The following ITPR2 variants were observed in gnomAD, a reference collection of about 807,000 sequenced individuals.
ITPR2 encodes the protein inositol 1,4,5-trisphosphate receptor type 2.
A neutral mutation model predicts 317.1 loss-of-function variants in ITPR2; 207 were observed. That is an observed-to-expected ratio of 0.65 (90% CI 0.58 to 0.73). The LOEUF (loss-of-function observed/expected upper bound fraction) is 0.73, where lower values mean the gene tolerates loss of function less well. ITPR2 is among the 30% of genes least tolerant of loss of function. The pLI, the probability that ITPR2 is intolerant of heterozygous loss-of-function variation, is 0.00. For synonymous variants in ITPR2, 1,156 were observed against 1,149.1 expected, an observed-to-expected ratio of 1.01 and a Z score of -0.12; for missense variants, 2,613 against 3,284.0, an observed-to-expected ratio of 0.80 and a Z score of 4.99.
chr12:26,380,188 A>G (rs1417420781), intron 55 of ITPR2, among the ~76,000 whole-genome samples: 1 of 152,210 alleles, frequency 6.6e-6, no homozygotes, highest in East Asian at 1.9e-4. Flanking sequence ...CTTCTTCTTC[A>G]TCTTCATCTT....
intron 21 of ITPR2, among the ~76,000 whole-genome samples, chr12:26,647,977 T>C (rs920797322): frequency 8.6e-5 from 13 of 151,980 alleles, no homozygotes; most frequent in African/African-American, 3.1e-4. Context: ...TATAAGCCAT[T>C]GTGACAGGGA....
At chr12:26,387,917 A>T (rs1249802854) in intron 54 of ITPR2, among the ~76,000 whole-genome samples, 1 of 152,220 alleles carries the variant, frequency 6.6e-6, no homozygotes, top group African/African-American at 2.4e-5. Context: ...CACAAGTCTG[A>T]GAAAAAGAGG....
intron 2 of ITPR2, among the ~76,000 whole-genome samples, chr12:26,759,331 C>G (rs746115909): frequency 3.7e-4 from 56 of 151,934 alleles, no homozygotes; most frequent in Non-Finnish European, 2.6e-4. Flanking sequence ...TTCCTTTGTC[C>G]ATGTAAATCA....
At chr12:26,492,939 A>G (rs1434209967) in intron 39 of ITPR2, among the ~76,000 whole-genome samples, 4 of 150,288 alleles carry the variant, frequency 2.7e-5, no homozygotes, top group African/African-American at 9.9e-5. Context: ...ATATATATAT[A>G]TATAAAAGCA....
At position 26,516,295 on chromosome 12, in the gene ITPR2, A is replaced by AAG. The variant is rs1943506793; in HGVS notation, c.5074-21036_5074-21035insCT. Reference sequence around the variant, plus strand: ...AGGAAGGGAAGGGAAGGGAAAGGAAAGGAAAGGAAAGGAAAGGAAAGGAAA... The same window carrying AAG: ...AGGAAGGGAAGGGAAGGGAAAGGAAAAGGGAAAGGAAAGGAAAGGAAAGGAAA... On this transcript the variant is annotated intron_variant, in intron 37 of 56. Transcript: ENST00000381340. 1.6e-3 allele frequency among the ~76,000 whole-genome samples: 83 copies of AAG among 52,534 alleles called. 5 individuals carry two copies. Among genetic ancestry groups the AAG allele is most frequent in the South Asian group, 2.7e-3 (3 of 1,126 alleles). The allele number at this position is 52,534 out of a possible 152,430, so 34.5% of individuals were successfully genotyped here. A position where few individuals can be genotyped will look rare whatever the true frequency, so the allele number is the denominator to read the frequency against.
At chr12:26,799,895 A>T (rs1950524138) in intron 1 of ITPR2, among the ~76,000 whole-genome samples, 3 of 152,236 alleles carry the variant, frequency 2.0e-5, no homozygotes, top group Non-Finnish European at 4.4e-5. Flanking sequence ...AACTACTACC[A>T]GTTCTCAATC....
intron 54 of ITPR2, among the ~76,000 whole-genome samples, chr12:26,395,424 G>T (rs1204064800): frequency 1.3e-5 from 2 of 152,156 alleles, no homozygotes; most frequent in Non-Finnish European, 2.9e-5. Context: ...AAGCTTAGAG[G>T]AGCAGGAATC....
intron 32 of ITPR2, among the ~76,000 whole-genome samples, chr12:26,590,327 T>G (rs1429849739): frequency 6.6e-6 from 1 of 152,226 alleles, no homozygotes; most frequent in Non-Finnish European, 1.5e-5. Context: ...TAAACACATC[T>G]TTAACTGAAT....
At chr12:26,591,121 G>T (rs1217737367) in intron 32 of ITPR2, among the ~76,000 whole-genome samples, 1 of 145,010 alleles carries the variant, frequency 6.9e-6, no homozygotes, top group Non-Finnish European at 1.5e-5. Context: ...TGCAGCAAAG[G>T]AAACAATCAA....
intron 46 of ITPR2, 22 bp from the exon 47 acceptor site, chr12:26,439,341 G>A: frequency 6.4e-7 from 1 of 1,566,178 alleles, no homozygotes; most frequent in East Asian, 2.3e-5. Context: ...AATTTGCATT[G>A]TTTTTAGCCT....
chr12:26,790,035 A>G, intron 2 of ITPR2, 122 bp downstream of exon 2: 1 of 706,568 alleles, frequency 1.4e-6, no homozygotes, highest in Admixed American at 2.4e-5. Flanking sequence ...AAGAATTTTC[A>G]GTGAACATAT....
intron 32 of ITPR2, among the ~76,000 whole-genome samples, chr12:26,590,014 G>A (rs1020874685): frequency 1.3e-5 from 2 of 151,488 alleles, no homozygotes; most frequent in African/African-American, 4.9e-5. Flanking sequence ...TCAAAAGTAT[G>A]TTGAAACTAG....
At chr12:26,759,241 G>A (rs1949586258) in intron 2 of ITPR2, among the ~76,000 whole-genome samples, 1 of 152,140 alleles carries the variant, frequency 6.6e-6, no homozygotes, top group South Asian at 2.1e-4. Flanking sequence ...AGTAACAAGA[G>A]AGTTGTTCTT....
chr12:26,572,099 T>G (rs892323450), intron 34 of ITPR2, among the ~76,000 whole-genome samples: 5 of 152,232 alleles, frequency 3.3e-5, no homozygotes, highest in Admixed American at 1.3e-4. Context: ...TTGTTCTGTT[T>G]AATATTAAAA....
chr12:26,743,628 C>T (rs1348025134), intron 2 of ITPR2, among the ~76,000 whole-genome samples: 2 of 152,132 alleles, frequency 1.3e-5, no homozygotes, highest in Non-Finnish European at 2.9e-5. Context: ...TGCAGTGGCT[C>T]ATGCCTGTAA....
Position 26,439,280 on chromosome 12 carries a change from G to A in ITPR2, c.6490C>T (p.Pro2164Ser). 6.2e-7 allele frequency: 1 copy of A among 1,609,866 alleles called. No homozygotes were observed. ...HDRTMEQIVF[P>S]VPNICEYLTR... ...AGGTATTCACATATATTGGGGACAG[G>A]AAAAACTATTTGTTCCATGGTCCTA... Residue 2164 changes from proline (P) to serine (S), a missense_variant, in exon 47 of 57, where the codon CCT becomes TCT. By Grantham distance (74) the Pro-to-Ser change is moderately conservative (BLOSUM62 -1). Transcript: ENST00000381340.
At chr12:26,492,357 G>A (rs565235179) in intron 39 of ITPR2, among the ~76,000 whole-genome samples, 7 of 151,714 alleles carry the variant, frequency 4.6e-5, no homozygotes, top group East Asian at 1.9e-4. Context: ...AAATAAGTGC[G>A]AAGGATGAAG....
At chr12:26,638,133 C>T (rs1282217771) in intron 21 of ITPR2, among the ~76,000 whole-genome samples, 2 of 152,170 alleles carry the variant, frequency 1.3e-5, no homozygotes, top group African/African-American at 2.4e-5. Flanking sequence ...ACTGAAAAAG[C>T]AATTCATATA....
chr12:26,711,899 A>T (rs1948648310), intron 8 of ITPR2, among the ~76,000 whole-genome samples: 1 of 152,204 alleles, frequency 6.6e-6, no homozygotes, highest in South Asian at 2.1e-4. Context: ...CTAAGGTCTA[A>T]ACTACTTAAT....
Sources: allele counts gnomAD v4.1 joint callset (sites outside exome capture counted in the v4.1 genomes callset), GRCh38; gene constraint gnomAD v4.1.1; transcripts MANE v1.5; gene names NCBI Gene and HGNC (gene_info 2026-07-23, HGNC 2026-07-21).